Variants in PEX3 observed in about 807,000 individuals in gnomAD.
PEX3 encodes peroxin-3.
A neutral mutation model predicts 55.8 loss-of-function variants in PEX3; 30 were observed. The ratio of observed to expected loss-of-function variants is 0.54; its 90% confidence interval spans 0.40 to 0.73. The LOEUF is 0.73. Among genes scored for constraint, PEX3 ranks in the 30% least tolerant of loss-of-function variants. The pLI is 0.00. For missense variants in PEX3, 351 were observed against 432.8 expected (o/e 0.81, Z 1.68); for synonymous variants, 135 against 148.4 (o/e 0.91, Z 0.66).
intron 4 of PEX3, among the ~76,000 whole-genome samples, chr6:143,469,157 G>A (rs1414200000): frequency 3.3e-5 from 5 of 152,136 alleles, no homozygotes; most frequent in African/African-American, 1.2e-4. Context: ...TGTCTTTATA[G>A]CAGCATGATT....
chr6:143,483,330 C>T lies in PEX3; in HGVS notation c.942-1822C>T, dbSNP rs935186961. 6.6e-6 allele frequency among the ~76,000 whole-genome samples: 1 copy of T among 152,066 alleles called. No homozygotes were observed. The highest frequency in any genetic ancestry group is 1.5e-5 in the Non-Finnish European group (1 of 68,010). On this transcript the variant is annotated intron_variant, in intron 10 of 11. Coordinates refer to ENST00000367591, the MANE Select transcript of PEX3 (RefSeq NM_003630.3). The surrounding 1 kb of genome is among the most constrained non-coding windows in gnomAD (Gnocchi z 4.3). ...TGAGAAGTGTTATAAAGGAGAAGAA[C>T]ACTGAACGTATAATAGAAAAATTTA...
Position 143,471,175 on chromosome 6 carries a change from T to G in PEX3, c.456+90T>G. 1.7e-6 allele frequency: 2 copies of G among 1,187,996 alleles called. No homozygotes were observed. Among genetic ancestry groups the G allele is most frequent in the South Asian group, 2.6e-5 (2 of 76,692 alleles). The allele number at this position is 1,187,996 out of a possible 1,614,324, so 73.6% of individuals were successfully genotyped here. A position where few individuals can be genotyped will look rare whatever the true frequency, so the allele number is the denominator to read the frequency against. ...TATCCTGATAACAATTTCTATGAAA[T>G]AAATATTTTTATATTTCATGTGATT... On this transcript the variant is annotated intron_variant, in intron 5 of 11. Transcript: ENST00000367591. This position sits in a 1 kb window ranked among gnomAD's most constrained non-coding sequence, Gnocchi z 5.4.
chr6:143,458,888 A>G lies in PEX3; in HGVS notation c.74-197A>G, dbSNP rs1228782747. Among the ~76,000 whole-genome samples the G allele has an allele frequency of 6.6e-6, 1 of 152,236 alleles. No individual in the cohort carries two copies. Among genetic ancestry groups the G allele is most frequent in the Non-Finnish European group, 1.5e-5 (1 of 68,006 alleles). ...CAAACCTGGTCCTTATGTGCCCATCATTTCCTCTGTCATTGGCTGTAAAAA... is the reference window on the plus strand; with the variant it reads ...CAAACCTGGTCCTTATGTGCCCATCGTTTCCTCTGTCATTGGCTGTAAAAA... On this transcript the variant is annotated intron_variant, in intron 1 of 11. Coordinates refer to ENST00000367591, the MANE Select transcript of PEX3 (RefSeq NM_003630.3). The surrounding 1 kb of genome is among the most constrained non-coding windows in gnomAD (Gnocchi z 6.1).
Position 143,464,145 on chromosome 6 carries a change from T to C in PEX3, c.287+1148T>C, listed in dbSNP as rs1779960655. On this transcript the variant is annotated intron_variant, in intron 3 of 11. Transcript: ENST00000367591. This position sits in a 1 kb window ranked among gnomAD's most constrained non-coding sequence, Gnocchi z 5.8. ...AAACATATAAGCAGATTGCTTTTGA[T>C]CAAATAAATAATTACCATTTGTGTG... is the stretch of plus-strand genomic sequence containing the variant. 6.6e-6 allele frequency among the ~76,000 whole-genome samples: 1 copy of C among 152,124 alleles called. No homozygotes were observed. The highest frequency in any genetic ancestry group is 6.5e-5 in the Admixed American group (1 of 15,270).
chr6:143,489,428 G>A lies in PEX3; in HGVS notation c.*202G>A. On this transcript the variant is annotated 3_prime_UTR_variant, in exon 12 of 12. Coordinates refer to ENST00000367591, the MANE Select transcript of PEX3 (RefSeq NM_003630.3). The surrounding 1 kb of genome is among the most constrained non-coding windows in gnomAD (Gnocchi z 5.5). ...GATTCATCAACAGACCAGTTTTTGT[G>A]GGCATATATATATACACGTGCAAAT... 4.2e-6 allele frequency: 2 copies of A among 472,006 alleles called. No homozygotes were observed. The highest frequency in any genetic ancestry group is 2.3e-5 in the South Asian group (1 of 43,928). The allele number at this position is 472,006 out of a possible 1,614,324, so 29.2% of individuals were successfully genotyped here. A position where few individuals can be genotyped will look rare whatever the true frequency, so the allele number is the denominator to read the frequency against.
rs1483608365 is a variant in PEX3 at position 143,479,174 on chromosome 6, T to G, written c.917T>G (p.Leu306Arg). Residue 306 changes from leucine (L) to arginine (R), a missense_variant, in exon 10 of 12, where the codon CTG (leucine) becomes CGG (arginine). Leu to Arg is a moderately radical substitution (Grantham distance 102). Transcript: ENST00000367591. The surrounding 1 kb of genome is among the most constrained non-coding windows in gnomAD (Gnocchi z 4.6). ...TTCTTTCGACCTACTGAACAGGACC[T>G]GCAACATGGTAACTCTATGAATAGG... Reference protein sequence around the residue: ...AEFFRPTEQDLQHGNSMNSLS... With the variant: ...AEFFRPTEQDRQHGNSMNSLS... The G allele has an allele frequency of 6.2e-7, 1 of 1,605,596 alleles. No homozygotes were observed. Among genetic ancestry groups the G allele is most frequent in the African/African-American group, 1.3e-5 (1 of 74,872 alleles).
At chr6:143,473,952 C>A (rs1446203020) in intron 8 of PEX3, among the ~76,000 whole-genome samples, 3 of 151,482 alleles carry the variant, frequency 2.0e-5, no homozygotes, top group Non-Finnish European at 4.4e-5. Flanking sequence ...CATAACAAGA[C>A]CCTACCCCTA....
intron 10 of PEX3, chr6:143,484,892 C>T: frequency 2.4e-6 from 1 of 421,700 alleles, no homozygotes; most frequent in Non-Finnish European, 4.4e-6. Flanking sequence ...AATAAAAATG[C>T]AAAAACAGTG....
At chr6:143,457,112 G>C (rs1020756149) in intron 1 of PEX3, among the ~76,000 whole-genome samples, 1 of 152,184 alleles carries the variant, frequency 6.6e-6, no homozygotes, top group Non-Finnish European at 1.5e-5. Context: ...TCATCTTAGT[G>C]TTGATTTTAC....
intron 4 of PEX3, 41 bp downstream of exon 4, chr6:143,468,206 AT>A (rs758426907): frequency 7.5e-7 from 1 of 1,335,576 alleles, no homozygotes; most frequent in Non-Finnish European, 1.1e-6. Context: ...TCCTTAAAAT[AT>A]TTATAAAGGG....
chr6:143,459,281 C>T lies in PEX3; in HGVS notation c.205+65C>T. Reference sequence around the variant, plus strand: ...GACGGTTGTATTAATTTGCATATCACCGGGATCAAATTTAGAGGAAAAGGC... The same window carrying T: ...GACGGTTGTATTAATTTGCATATCATCGGGATCAAATTTAGAGGAAAAGGC... On this transcript the variant is annotated intron_variant, in intron 2 of 11. Transcript: ENST00000367591. The surrounding 1 kb of genome is among the most constrained non-coding windows in gnomAD (Gnocchi z 4.2). 3 of 1,393,748 alleles carry T rather than the reference C, an allele frequency of 2.2e-6. No individual in the cohort carries two copies. Among genetic ancestry groups the T allele is most frequent in the Non-Finnish European group, 3.1e-6 (3 of 981,696 alleles). 86.3% of individuals were successfully genotyped at this position (1,393,748 alleles called of 1,614,324 possible).
rs536788103 is a variant in PEX3 at position 143,488,434 on chromosome 6, T to C, written c.1039-709T>C. Among the ~76,000 whole-genome samples the C allele has an allele frequency of 6.6e-6, 1 of 152,252 alleles. No homozygotes were observed. Among genetic ancestry groups the C allele is most frequent in the African/African-American group, 2.4e-5 (1 of 41,572 alleles). ...GTGTATGATATAGCGGTATTGCTTC[T>C]TTATTCATGCATTAAATACCAAGAT... is the stretch of plus-strand genomic sequence containing the variant. On this transcript the variant is annotated intron_variant, in intron 11 of 11. Coordinates refer to ENST00000367591, the MANE Select transcript of PEX3 (RefSeq NM_003630.3). This position sits in a 1 kb window ranked among gnomAD's most constrained non-coding sequence, Gnocchi z 4.9.
intron 2 of PEX3, among the ~76,000 whole-genome samples, chr6:143,461,576 T>C (rs1779920280): frequency 7.7e-6 from 1 of 130,472 alleles, no homozygotes; most frequent in Non-Finnish European, 1.5e-5. Context: ...GTAATTGATA[T>C]ACTAGAAAAA....
rs1780365217 is a variant in PEX3, at chr6:143,489,896, G to A, written c.*670G>A. The A allele has an allele frequency of 6.6e-6, 1 of 152,044 alleles. No homozygotes were observed. Among genetic ancestry groups the A allele is most frequent in the South Asian group, 2.1e-4 (1 of 4,838 alleles). The allele number at this position is 152,044 out of a possible 1,614,324, so 9.4% of individuals were successfully genotyped here. A position where few individuals can be genotyped will look rare whatever the true frequency, so the allele number is the denominator to read the frequency against. On this transcript the variant is annotated 3_prime_UTR_variant, in exon 12 of 12. Transcript: ENST00000367591. The surrounding 1 kb of genome is among the most constrained non-coding windows in gnomAD (Gnocchi z 5.5). ...TAGAGGCTAAAATTGTGTTGATGCT[G>A]TTTACTCACCTAATTACATAGTTTT... is the stretch of plus-strand genomic sequence containing the variant.
intron 3 of PEX3, among the ~76,000 whole-genome samples, chr6:143,467,440 C>T (rs1223338913): frequency 6.6e-6 from 1 of 151,766 alleles, no homozygotes; most frequent in Non-Finnish European, 1.5e-5. Context: ...AATGACCTAC[C>T]CAGTAGCAAT....
At chr6:143,468,808 C>CTT (rs67049211) in intron 4 of PEX3, among the ~76,000 whole-genome samples, 4 of 16,520 alleles carry the variant, frequency 2.4e-4, no homozygotes, top group East Asian at 1.9e-3. Context: ...CTATCCCCCC[C>CTT]CCCCCCACCC....
At position 143,476,024 on chromosome 6, in the gene PEX3, G is replaced by A. The variant is rs573893281; in HGVS notation, c.818+1168G>A. ...ACTAATAAATTTGATGTAATGTCAAGTATGTATAACTTTGTTGATGAAACA... is the reference window on the plus strand; with the variant it reads ...ACTAATAAATTTGATGTAATGTCAAATATGTATAACTTTGTTGATGAAACA... On this transcript the variant is annotated intron_variant, in intron 9 of 11. Coordinates refer to ENST00000367591, the MANE Select transcript of PEX3 (RefSeq NM_003630.3). This position sits in a 1 kb window ranked among gnomAD's most constrained non-coding sequence, Gnocchi z 5.4. Among the ~76,000 whole-genome samples the A allele has an allele frequency of 6.6e-6, 1 of 152,336 alleles. No individual in the cohort carries two copies. Among genetic ancestry groups the A allele is most frequent in the East Asian group, 1.9e-4 (1 of 5,186 alleles).
At chr6:143,473,124 C>G (rs368152021) in intron 8 of PEX3, among the ~76,000 whole-genome samples, 1 of 152,142 alleles carries the variant, frequency 6.6e-6, no homozygotes, top group East Asian at 1.9e-4. Flanking sequence ...CTATGCCATA[C>G]CTCAGCAGAG....
In PEX3 at chr6:143,459,472, T is replaced by C. The variant is rs561938270; in HGVS notation, c.205+256T>C. On this transcript the variant is annotated intron_variant, in intron 2 of 11. Transcript: ENST00000367591. This position sits in a 1 kb window ranked among gnomAD's most constrained non-coding sequence, Gnocchi z 4.2. ...GTGAACAACAACAACAAAAAGCCCC[T>C]GACCTTTGGAGTTTATATTCTAGGG... Among the ~76,000 whole-genome samples, 1 of 152,324 alleles carries C rather than the reference T, an allele frequency of 6.6e-6. No individual in the cohort carries two copies. Among genetic ancestry groups the C allele is most frequent in the East Asian group, 1.9e-4 (1 of 5,194 alleles).
Sources: allele counts gnomAD v4.1 joint callset (sites outside exome capture counted in the v4.1 genomes callset), GRCh38; gene constraint gnomAD v4.1.1; non-coding constraint Gnocchi (gnomAD v3.1); transcripts MANE v1.5; gene names NCBI Gene and HGNC (gene_info 2026-07-23, HGNC 2026-07-21).